QTMAN: variants seen among roughly 807,000 people sequenced by gnomAD.
QTMAN encodes the protein queuosine-tRNA mannosyltransferase, also known as tRNA-queuosine alpha-mannosyltransferase.
chr2:144,215,985 T>G, the QTMAN span, among the ~76,000 whole-genome samples: 1 of 152,186 alleles, frequency 6.6e-6, no homozygotes, highest in Admixed American at 6.6e-5. Context: ...ACTCATTTCC[T>G]GGCCCCTTCC....
At chr2:144,192,812 C>A in the QTMAN span, among the ~76,000 whole-genome samples, 5 of 152,134 alleles carry the variant, frequency 3.3e-5, no homozygotes, top group African/African-American at 1.2e-4. Flanking sequence ...CTCTTGTGAA[C>A]AAGAAACGTT....
At chr2:144,254,608 C>G in the QTMAN span, among the ~76,000 whole-genome samples, 1 of 152,142 alleles carries the variant, frequency 6.6e-6, no homozygotes, top group Admixed American at 6.6e-5. Context: ...CACACAAAGT[C>G]CCCACTGGGG....
chr2:144,131,028 A>T, the QTMAN span, among the ~76,000 whole-genome samples: 2 of 151,990 alleles, frequency 1.3e-5, no homozygotes, highest in Non-Finnish European at 2.9e-5. Context: ...CTCAGTTTTT[A>T]TCAATCAGTA....
the QTMAN span, among the ~76,000 whole-genome samples, chr2:144,036,862 GA>G: frequency 6.6e-6 from 1 of 152,128 alleles, no homozygotes; most frequent in Non-Finnish European, 1.5e-5. Flanking sequence ...TCTGAAGATA[GA>G]AATAGCCCAA....
At chr2:144,049,216 C>T in the QTMAN span, among the ~76,000 whole-genome samples, 141 of 152,264 alleles carry the variant, frequency 9.3e-4, 2 homozygotes, top group East Asian at 0.019. Context: ...TATGACAAGT[C>T]AATTTACACC....
the QTMAN span, among the ~76,000 whole-genome samples, chr2:144,196,260 A>AAT: frequency 3.3e-5 from 5 of 150,842 alleles, no homozygotes; most frequent in Middle Eastern, 0.01. Flanking sequence ...ATATATATAT[A>AAT]ATATATGCTT....
At chr2:144,096,218 G>A in the QTMAN span, among the ~76,000 whole-genome samples, 2,101 of 152,236 alleles carry the variant, frequency 0.014, 48 homozygotes, top group African/African-American at 0.048. Context: ...TTTCTTATGA[G>A]TAAAACAAAC....
chr2:144,171,414 C>T, the QTMAN span, among the ~76,000 whole-genome samples: 2 of 152,146 alleles, frequency 1.3e-5, no homozygotes, highest in Non-Finnish European at 2.9e-5. Flanking sequence ...CAACTTTCAC[C>T]TCCGTGACAG....
chr2:144,267,106 T>C, the QTMAN span, among the ~76,000 whole-genome samples: 2 of 152,288 alleles, frequency 1.3e-5, no homozygotes, highest in South Asian at 4.1e-4. Context: ...TGGGATCTAT[T>C]CTAAGATGAA....
At chr2:144,326,922 T>C in the QTMAN span, among the ~76,000 whole-genome samples, 1 of 151,876 alleles carries the variant, frequency 6.6e-6, no homozygotes, top group African/African-American at 2.4e-5. Flanking sequence ...GAGAGCAAGA[T>C]GAGAGAGAGA....
chr2:143,970,582 G>A, the QTMAN span: 1 of 832,824 alleles, frequency 1.2e-6, no homozygotes, highest in Non-Finnish European at 2.1e-6. Context: ...GGGAAACATG[G>A]AAATTAATAC....
At chr2:144,007,115 A>T in the QTMAN span, 1 of 913,764 alleles carries the variant, frequency 1.1e-6, no homozygotes, top group Non-Finnish European at 1.7e-6. Context: ...TTATTATGTC[A>T]ATCAACAGAA....
chr2:144,200,369 A>C, the QTMAN span, among the ~76,000 whole-genome samples: 1 of 152,234 alleles, frequency 6.6e-6, no homozygotes, highest in African/African-American at 2.4e-5. Flanking sequence ...AAAACTAAAA[A>C]GCCTTAAAAT....
the QTMAN span, among the ~76,000 whole-genome samples, chr2:144,041,924 T>A: frequency 6.6e-6 from 1 of 152,124 alleles, no homozygotes; most frequent in South Asian, 2.1e-4. Flanking sequence ...GATTTTACTA[T>A]TTTGTGTGTA....
the QTMAN span, among the ~76,000 whole-genome samples, chr2:144,276,076 G>A: frequency 1.1e-4 from 17 of 151,986 alleles, no homozygotes; most frequent in Admixed American, 5.2e-4. Flanking sequence ...TTTTGTGTAT[G>A]TCCCCAAGGG....
chr2:144,154,350 A>C, the QTMAN span, among the ~76,000 whole-genome samples: 1 of 152,150 alleles, frequency 6.6e-6, no homozygotes, highest in African/African-American at 2.4e-5. Context: ...GGGCACTGGA[A>C]TAGAGAGAGT....
the QTMAN span, among the ~76,000 whole-genome samples, chr2:143,984,410 G>C: frequency 6.6e-6 from 1 of 152,134 alleles, no homozygotes; most frequent in Non-Finnish European, 1.5e-5. Flanking sequence ...GTTCTCTAAG[G>C]GGAAGGGTAC....
chr2:143,941,227 A>C, the QTMAN span: 8 of 152,356 alleles, frequency 5.3e-5, no homozygotes, highest in East Asian at 1.5e-3. Flanking sequence ...TTACAAAAAT[A>C]AGTGATTCTC....
At chr2:143,997,504 C>A in the QTMAN span, among the ~76,000 whole-genome samples, 1 of 151,998 alleles carries the variant, frequency 6.6e-6, no homozygotes, top group African/African-American at 2.4e-5. Flanking sequence ...TGGGCTTATA[C>A]TCCGCTCCTT....
Sources: gnomAD v4.1 joint callset for allele counts (sites outside exome capture counted in the v4.1 genomes callset) on GRCh38, gnomAD v4.1.1 for gene constraint, MANE v1.5 for transcripts, NCBI Gene and HGNC (gene_info 2026-07-23, HGNC 2026-07-21) for gene names.